CMTR1: variants seen among roughly 807,000 people sequenced by gnomAD.
CMTR1 encodes cap methyltransferase 1.
In CMTR1, 39 loss-of-function variants were observed where a neutral mutation model predicts 107.0. The observed-to-expected ratio is 0.36, with a 90% CI of 0.28 to 0.48. The LOEUF (loss-of-function observed/expected upper bound fraction) is 0.48. Among genes scored for constraint, CMTR1 ranks in the 20% least tolerant of loss-of-function variants. The pLI, the probability that CMTR1 is intolerant of heterozygous loss-of-function variation, is 0.99. For synonymous variants in CMTR1, 366 were observed against 379.5 expected, an observed-to-expected ratio of 0.96 and a Z score of 0.41; for missense variants, 672 against 1,064.9, an observed-to-expected ratio of 0.63 and a Z score of 5.14.
chr6:37,439,837 G>C (rs959547076), intron 2 of CMTR1, among the ~76,000 whole-genome samples: 11 of 152,102 alleles, frequency 7.2e-5, no homozygotes, highest in Non-Finnish European at 1.6e-4. Flanking sequence ...TTTAGTGACA[G>C]GGTTTCACTA....
intron 13 of CMTR1, among the ~76,000 whole-genome samples, chr6:37,464,634 C>G (rs1438262078): frequency 6.6e-6 from 1 of 151,944 alleles, no homozygotes; most frequent in Admixed American, 6.6e-5. Flanking sequence ...TTTTGAGATT[C>G]ATTCATATTA....
chr6:37,427,598 C>T, the CMTR1 span, among the ~76,000 whole-genome samples: 1 of 152,292 alleles, frequency 6.6e-6, no homozygotes, highest in African/African-American at 2.4e-5. This position sits in a 1 kb window ranked among gnomAD's most constrained non-coding sequence, Gnocchi z 4.4. Context: ...TTTTAATCAT[C>T]AGGTATATTT....
chr6:37,473,774 G>T lies in CMTR1; in HGVS notation c.1821+173G>T, dbSNP rs561783288. ...TCGTTTCCTTTCTTCCTCTGAGTTT[G>T]CCAAGTGTCATTCATTCATTCTTTC... On this transcript the variant is annotated intron_variant, in intron 17 of 23. Transcript: ENST00000373451. Among the ~76,000 whole-genome samples, 16 of 152,312 alleles carry T rather than the reference G, an allele frequency of 1.1e-4. No individual in the cohort carries two copies. In the South Asian group the frequency reaches 3.1e-3, roughly 30 times the overall value.
intron 8 of CMTR1, among the ~76,000 whole-genome samples, chr6:37,457,790 C>T (rs991574385): frequency 2.6e-5 from 4 of 152,094 alleles, no homozygotes; most frequent in African/African-American, 9.7e-5. Flanking sequence ...AAGGAAGGTT[C>T]CTGTGGCTGG....
intron 12 of CMTR1, among the ~76,000 whole-genome samples, chr6:37,462,317 T>G (rs542861791): frequency 1.1e-4 from 16 of 152,290 alleles, no homozygotes; most frequent in African/African-American, 3.9e-4. Context: ...TTATGCTCCA[T>G]GCTTATGTGA....
At chr6:37,433,513 C>T (rs1254574297) in intron 1 of CMTR1, 136 bp downstream of exon 1, 1 of 152,900 alleles carries the variant, frequency 6.5e-6, no homozygotes, top group Non-Finnish European at 1.5e-5. Context: ...TATGTCTTCC[C>T]TCCTCCTCCC....
intron 23 of CMTR1, 98 bp downstream of exon 23, chr6:37,479,353 AC>A: frequency 1.2e-6 from 1 of 863,122 alleles, no homozygotes; most frequent in Non-Finnish European, 2.0e-6. Flanking sequence ...GGGTCCTGAG[AC>A]TGTTGCCCAT....
Position 37,481,022 on chromosome 6 carries a change from A to G in CMTR1, c.*877A>G, listed in dbSNP as rs1415010757. 7.7e-6 allele frequency: 10 copies of G among 1,303,736 alleles called. No individual in the cohort carries two copies. The East Asian group carries it at 5.5e-4, about 72-fold the overall frequency. 80.8% of individuals were successfully genotyped at this position (1,303,736 alleles called of 1,614,324 possible). Reference sequence around the variant, plus strand: ...TAGCGCTGCCCTCTGGCAGTCATGCACCGCTGTCTGCCATAGCCGCTCTAG... The same window carrying G: ...TAGCGCTGCCCTCTGGCAGTCATGCGCCGCTGTCTGCCATAGCCGCTCTAG... On this transcript the variant is annotated 3_prime_UTR_variant, in exon 24 of 24. Coordinates refer to ENST00000373451, the MANE Select transcript of CMTR1 (RefSeq NM_015050.3).
At position 37,475,934 on chromosome 6, in the gene CMTR1, C is replaced by T. The variant is rs138241003; in HGVS notation, c.2037-192C>T. 1.8e-3 allele frequency: 1,043 copies of T among 594,684 alleles called. 9 individuals are homozygous for T. The highest frequency in any genetic ancestry group is 7.8e-3 in the Middle Eastern group (18 of 2,306). 36.8% of individuals were successfully genotyped at this position (594,684 alleles called of 1,614,324 possible). On this transcript the variant is annotated intron_variant, in intron 19 of 23. Coordinates refer to ENST00000373451, the MANE Select transcript of CMTR1 (RefSeq NM_015050.3). ...AATTAGAGGTCAGAATCCACAGGGGCGGGGCATGAATAAAGACGTCGGTGG... is the reference window on the plus strand; with the variant it reads ...AATTAGAGGTCAGAATCCACAGGGGTGGGGCATGAATAAAGACGTCGGTGG...
chr6:37,428,332 C>T (rs34624330), upstream of CMTR1, among the ~76,000 whole-genome samples: 8,884 of 152,188 alleles, frequency 0.058, 302 homozygotes, highest in Middle Eastern at 0.11. Flanking sequence ...TAGGTTGTGA[C>T]GACTTTTGTG....
intron 6 of CMTR1, 44 bp from the exon 7 acceptor site, chr6:37,453,003 T>G: frequency 6.3e-7 from 1 of 1,588,130 alleles, no homozygotes; most frequent in Non-Finnish European, 8.6e-7. Context: ...TAAGGTCCCT[T>G]TCCTATCCTG....
At chr6:37,446,525 C>T in intron 4 of CMTR1, 76 bp downstream of exon 4, 1 of 1,514,160 alleles carries the variant, frequency 6.6e-7, no homozygotes, top group Non-Finnish European at 8.9e-7. Flanking sequence ...GCCATATCAA[C>T]AAACTAGAAA....
At chr6:37,442,893 T>G (rs1357883496) in intron 2 of CMTR1, among the ~76,000 whole-genome samples, 1 of 152,264 alleles carries the variant, frequency 6.6e-6, no homozygotes, top group Non-Finnish European at 1.5e-5. Flanking sequence ...AAGTTTTGAA[T>G]CAACACCCTT....
chr6:37,440,514 G>A (rs1037699711), intron 2 of CMTR1, among the ~76,000 whole-genome samples: 2 of 152,146 alleles, frequency 1.3e-5, no homozygotes, highest in Non-Finnish European at 2.9e-5. Context: ...AAAAAAATAA[G>A]ACTTATTTGC....
intron 20 of CMTR1, among the ~76,000 whole-genome samples, chr6:37,476,855 T>G (rs371601389): frequency 2.1e-4 from 32 of 152,268 alleles, no homozygotes; most frequent in Admixed American, 7.8e-4. Context: ...CTTTTTAACA[T>G]AAATTTACTT....
the CMTR1 span, among the ~76,000 whole-genome samples, chr6:37,425,081 T>C: frequency 6.6e-6 from 1 of 151,448 alleles, no homozygotes; most frequent in East Asian, 1.9e-4. Flanking sequence ...CCAGAGTAGC[T>C]GGGATTACAG....
chr6:37,469,334 T>C (rs1217118267), intron 13 of CMTR1, among the ~76,000 whole-genome samples: 1 of 151,984 alleles, frequency 6.6e-6, no homozygotes, highest in Non-Finnish European at 1.5e-5. Context: ...GTCATGTGTC[T>C]TTTTCCCCTC....
intron 12 of CMTR1, among the ~76,000 whole-genome samples, 198 bp downstream of exon 12, chr6:37,462,300 C>G (rs1257577213): frequency 6.6e-6 from 1 of 152,182 alleles, no homozygotes; most frequent in Non-Finnish European, 1.5e-5. Context: ...CCTCCTTCTT[C>G]CAAGCCTTAT....
chr6:37,450,199 T>G, intron 4 of CMTR1, 52 bp from the exon 5 acceptor site: 1 of 1,476,516 alleles, frequency 6.8e-7, no homozygotes, highest in Middle Eastern at 1.8e-4. Context: ...AGTTGGGGTT[T>G]AGCTTTGAGG....
Sources: gnomAD v4.1 joint callset for allele counts (sites outside exome capture counted in the v4.1 genomes callset) on GRCh38, gnomAD v4.1.1 for gene constraint, Gnocchi (gnomAD v3.1) non-coding constraint, MANE v1.5 for transcripts, NCBI Gene and HGNC (gene_info 2026-07-23, HGNC 2026-07-21) for gene names.